Variants in KCNMB3 observed in about 807,000 individuals in gnomAD.
KCNMB3 encodes potassium calcium-activated channel subfamily M regulatory beta subunit 3.
In KCNMB3, 18 loss-of-function variants were observed where a neutral mutation model predicts 11.9. That is an observed-to-expected ratio of 1.51 (90% confidence interval 1.04 to 2.23). KCNMB3 has a LOEUF of 2.23. Ranked by LOEUF, KCNMB3 falls within the 30% of genes most tolerant of loss-of-function variation. The pLI, the probability that KCNMB3 is intolerant of heterozygous loss-of-function variation, is 0.00. For synonymous variants in KCNMB3, 78 were observed against 119.2 expected, an observed-to-expected ratio of 0.65 and a Z score of 2.25; for missense variants, 247 against 329.4, an observed-to-expected ratio of 0.75 and a Z score of 1.94.
downstream of KCNMB3, chr3:179,242,503 TA>T (rs1270429494): frequency 6.5e-6 from 1 of 153,818 alleles, no homozygotes; most frequent in African/African-American, 2.4e-5. Flanking sequence ...AGAACTTTTT[TA>T]TGAGAAATAT....
chr3:179,259,803 A>G (rs1576963467), intron 1 of KCNMB3: 3 of 1,603,388 alleles, frequency 1.9e-6, no homozygotes, highest in East Asian at 2.2e-5. Flanking sequence ...TGGCTCTTTC[A>G]TATCTGAGGG....
downstream of KCNMB3, chr3:179,241,201 C>T (rs903231657): frequency 2.6e-5 from 4 of 151,940 alleles, no homozygotes; most frequent in Admixed American, 2.0e-4. Context: ...AGAAGCTAAG[C>T]TAAAGTTTCA....
intron 1 of KCNMB3, among the ~76,000 whole-genome samples, chr3:179,245,672 T>G (rs1576955296): frequency 6.6e-6 from 1 of 152,104 alleles, no homozygotes; most frequent in East Asian, 1.9e-4. Flanking sequence ...GCTAATTTTT[T>G]GTATTTTTAG....
At chr3:179,251,148 T>G, upstream of KCNMB3, 1 of 1,613,916 alleles carries the variant, frequency 6.2e-7, no homozygotes, top group East Asian at 2.2e-5. Flanking sequence ...TTTAAAGATA[T>G]TGTAGCAAAC....
chr3:179,259,017 G>C, intron 1 of KCNMB3: 1 of 1,614,148 alleles, frequency 6.2e-7, no homozygotes, highest in Non-Finnish European at 8.5e-7. Context: ...GCCTGCCTCA[G>C]CTTAGGACAT....
chr3:179,259,833 G>A (rs1726146374), intron 1 of KCNMB3: 1 of 1,609,506 alleles, frequency 6.2e-7, no homozygotes, highest in East Asian at 2.2e-5. Context: ...AGTGTCTACT[G>A]TACTTGGACC....
chr3:179,242,131 A>G (rs1725476070), downstream of KCNMB3: 1 of 152,362 alleles, frequency 6.6e-6, no homozygotes, highest in Non-Finnish European at 1.5e-5. Flanking sequence ...GCAGTGGCTC[A>G]TGCCTGTATT....
upstream of KCNMB3, among the ~76,000 whole-genome samples, chr3:179,253,741 G>A (rs529703765): frequency 1.1e-4 from 16 of 152,172 alleles, no homozygotes; most frequent in South Asian, 2.7e-3. Context: ...GGGTGGCAGA[G>A]GTTGCAGTGA....
At chr3:179,262,554 G>A (rs1043942965) in intron 1 of KCNMB3, among the ~76,000 whole-genome samples, 42 of 152,192 alleles carry the variant, frequency 2.8e-4, no homozygotes, top group African/African-American at 9.2e-4. Flanking sequence ...GCGTGGAAAG[G>A]GACCTGAGCA....
rs1427079657 is a variant in KCNMB3 at position 179,250,925 on chromosome 3, A to G, written c.66T>C (p.Phe22=). ...SPSPFPQRTA[F]PASGKKRETD... Reference sequence around the variant, plus strand: ...TCTCTCTCTTCTTCCCTGAGGCAGGAAAGGCTGTCCTTTGGGGAAAGGGAG... The same window carrying G: ...TCTCTCTCTTCTTCCCTGAGGCAGGGAAGGCTGTCCTTTGGGGAAAGGGAG... The change falls in exon 1 of 3, where the codon TTT becomes TTC. Residue 22 remains phenylalanine (F), a synonymous_variant. Coordinates refer to ENST00000392685, the MANE Select transcript of KCNMB3 (RefSeq NM_171830.2). 2.0e-5 allele frequency: 33 copies of G among 1,613,998 alleles called. No homozygotes were observed. Among genetic ancestry groups the G allele is most frequent in the Non-Finnish European group, 2.7e-5 (32 of 1,180,016 alleles).
rs60270913 is a variant in KCNMB3 at position 179,263,800 on chromosome 3, C to CTTTTTTTTTTTTT, written c.62+2836_62+2848dup. 2.0e-3 allele frequency among the ~76,000 whole-genome samples: 118 copies of CTTTTTTTTTTTTT among 59,974 alleles called. 1 individual carries two copies. The highest frequency in any genetic ancestry group is 2.1e-3 in the Non-Finnish European group (72 of 34,578). The allele number at this position is 59,974 out of a possible 152,430, so 39.3% of individuals were successfully genotyped here. On this transcript the variant is annotated intron_variant, in intron 1 of 3. Coordinates refer to the KCNMB3 transcript ENST00000349697. ...TCTGTTTTGTTTTTCTTTTTCTTTT[C>CTTTTTTTTTTTTT]TTTTTTTTTTTTTTTTTTTTTTTGA...
In KCNMB3 at chr3:179,250,882, C is replaced by A. The variant is rs762595441; in HGVS notation, c.109G>T (p.Asp37Tyr). ...KKRETDYSDGDPLDVHKRLPS... is the reference protein window; with the variant it reads ...KKRETDYSDGYPLDVHKRLPS... ...AGCCTCTTGTGCACATCTAGTGGGT[C>A]TCCATCACTGTAGTCTGTCTCTCTC... Residue 37 changes from aspartate (D) to tyrosine (Y), a missense_variant, in exon 1 of 3, where the codon GAC (aspartate) becomes TAC (tyrosine). Coordinates refer to ENST00000392685, the MANE Select transcript of KCNMB3 (RefSeq NM_171830.2). The A allele has an allele frequency of 6.8e-6, 11 of 1,614,006 alleles. No homozygotes were observed. The highest frequency in any genetic ancestry group is 8.5e-6 in the Non-Finnish European group (10 of 1,180,034).
At chr3:179,265,678 G>A (rs545605925) in intron 1 of KCNMB3, among the ~76,000 whole-genome samples, 110 of 152,200 alleles carry the variant, frequency 7.2e-4, no homozygotes, top group African/African-American at 2.3e-3. Flanking sequence ...GGCTGCTCTC[G>A]AACTCCTGAC....
chr3:179,258,868 A>T, intron 1 of KCNMB3: 1 of 1,560,398 alleles, frequency 6.4e-7, no homozygotes, highest in Non-Finnish European at 8.8e-7. Flanking sequence ...TCTACAAGTA[A>T]CAGTCTATAA....
At chr3:179,257,251 AT>A (rs897804615) in intron 1 of KCNMB3, among the ~76,000 whole-genome samples, 30 of 152,034 alleles carry the variant, frequency 2.0e-4, no homozygotes, top group African/African-American at 7.0e-4. Flanking sequence ...TCCACTTGCA[AT>A]TTTTTTTACA....
chr3:179,260,356 C>T (rs1407718021), intron 1 of KCNMB3: 5 of 1,614,016 alleles, frequency 3.1e-6, no homozygotes, highest in Admixed American at 1.7e-5. Context: ...GTAGCACCTG[C>T]TAAGGTTCCT....
chr3:179,242,994 A>C lies in KCNMB3; in HGVS notation c.738T>G (p.Asp246Glu), dbSNP rs146310766. The change falls in exon 3 of 3, where the codon GAT (aspartate) becomes GAG (glutamate). Residue 246 changes from aspartate to glutamate, a missense_variant. Transcript: ENST00000392685. Reference protein sequence around the residue: ...LCEKYSTVVRDEVGGKVPYIE... With the variant: ...LCEKYSTVVREEVGGKVPYIE... ...TATAAGGTACTTTTCCACCTACCTC[A>C]TCTCTGACTACAGTGCTATATTTTT... 17 of 1,602,782 alleles carry C rather than the reference A, an allele frequency of 1.1e-5. No homozygotes were observed. The highest frequency in any genetic ancestry group is 1.4e-5 in the Non-Finnish European group (16 of 1,175,796).
chr3:179,261,560 C>G (rs1225047336), intron 1 of KCNMB3, among the ~76,000 whole-genome samples: 1 of 151,950 alleles, frequency 6.6e-6, no homozygotes, highest in Non-Finnish European at 1.5e-5. Context: ...CCTCCGCCCG[C>G]CCCATGGCCC....
intron 1 of KCNMB3, among the ~76,000 whole-genome samples, chr3:179,261,550 C>A (rs1726214892): frequency 6.6e-6 from 1 of 152,016 alleles, no homozygotes; most frequent in Non-Finnish European, 1.5e-5. Context: ...GGCTCGGGCG[C>A]CTCCGCCCGC....
Sources: gnomAD v4.1 joint callset for allele counts (sites outside exome capture counted in the v4.1 genomes callset) on GRCh38, gnomAD v4.1.1 for gene constraint, MANE v1.5 for transcripts, NCBI Gene and HGNC (gene_info 2026-07-23, HGNC 2026-07-21) for gene names.